Variants in TCF7L1 observed in about 807,000 individuals in gnomAD.
TCF7L1 encodes transcription factor 7-like 1.
A neutral mutation model predicts 63.7 loss-of-function variants in TCF7L1; 18 were observed. That is an observed-to-expected ratio of 0.28 (90% CI 0.20 to 0.42). TCF7L1 has a LOEUF of 0.42. Among genes scored for constraint, TCF7L1 ranks in the 10% least tolerant of loss-of-function variants. The probability of loss-of-function intolerance (pLI) is 1.00; values close to 1 mark genes in which losing one functional copy is unlikely to be tolerated. For missense variants in TCF7L1, 654 were observed against 779.3 expected, an observed-to-expected ratio of 0.84 and a Z score of 1.91; for synonymous variants, 355 against 340.9, an observed-to-expected ratio of 1.04 and a Z score of -0.46.
chr2:85,182,354 G>T (rs930143521), intron 3 of TCF7L1, among the ~76,000 whole-genome samples: 1 of 152,188 alleles, frequency 6.6e-6, no homozygotes, highest in African/African-American at 2.4e-5. Flanking sequence ...TGAGAAGCAG[G>T]TGGGTGCTGG....
chr2:85,210,741 C>G (rs1013667106), intron 3 of TCF7L1, among the ~76,000 whole-genome samples: 1 of 152,152 alleles, frequency 6.6e-6, no homozygotes, highest in Non-Finnish European at 1.5e-5. Flanking sequence ...TGGTCATTTC[C>G]GGAGTACTTG....
At chr2:85,256,184 T>A (rs1024295139) in intron 3 of TCF7L1, among the ~76,000 whole-genome samples, 1 of 152,306 alleles carries the variant, frequency 6.6e-6, no homozygotes, top group Middle Eastern at 3.4e-3. Flanking sequence ...CTGGCTTCGA[T>A]GTGCTTTGGG....
intron 4 of TCF7L1, among the ~76,000 whole-genome samples, chr2:85,283,998 T>C (rs1681483805): frequency 6.6e-6 from 1 of 151,728 alleles, no homozygotes; most frequent in Non-Finnish European, 1.5e-5. Flanking sequence ...TCTTCTGTTT[T>C]TGTTTTTGTT....
chr2:85,147,363 AT>A (rs1558616045), intron 3 of TCF7L1, among the ~76,000 whole-genome samples: 1 of 151,916 alleles, frequency 6.6e-6, no homozygotes, highest in Non-Finnish European at 1.5e-5. Flanking sequence ...CGAACTAGGG[AT>A]TGCTTGTGTG....
At chr2:85,307,815 G>C in intron 11 of TCF7L1, 98 bp downstream of exon 11, 2 of 1,147,726 alleles carry the variant, frequency 1.7e-6, no homozygotes, top group Non-Finnish European at 2.6e-6. Flanking sequence ...CAGGGCTTCT[G>C]CCTCGGTATT....
chr2:85,200,035 G>A (rs769526426), intron 3 of TCF7L1, among the ~76,000 whole-genome samples: 8 of 152,156 alleles, frequency 5.3e-5, no homozygotes, highest in Non-Finnish European at 1.0e-4. Flanking sequence ...TTTTCACTTA[G>A]TCTAATGCTT....
At chr2:85,138,471 G>T (rs1677646925) in intron 3 of TCF7L1, among the ~76,000 whole-genome samples, 1 of 152,090 alleles carries the variant, frequency 6.6e-6, no homozygotes, top group Non-Finnish European at 1.5e-5. Flanking sequence ...ATTCTTTTGA[G>T]CCATTTCATC....
intron 3 of TCF7L1, among the ~76,000 whole-genome samples, chr2:85,143,038 T>G (rs1035867441): frequency 1.3e-5 from 2 of 152,248 alleles, no homozygotes; most frequent in Non-Finnish European, 2.9e-5. Context: ...TAAAAATGTT[T>G]TCCTAAACAT....
intron 4 of TCF7L1, among the ~76,000 whole-genome samples, chr2:85,299,906 G>GACACACACACACACACACACACACAC (rs1681931766): frequency 2.3e-5 from 1 of 43,374 alleles, no homozygotes; most frequent in African/African-American, 1.0e-4. Flanking sequence ...CACACACACT[G>GACACACACACACACACACACACACAC]ATGCCCAGAA....
At chr2:85,245,753 G>A (rs1393772228) in intron 3 of TCF7L1, among the ~76,000 whole-genome samples, 1 of 151,650 alleles carries the variant, frequency 6.6e-6, no homozygotes, top group African/African-American at 2.4e-5. Context: ...AGGAGGAGCT[G>A]GCAGTGAGCC....
chr2:85,195,407 G>T (rs1679131689), intron 3 of TCF7L1, among the ~76,000 whole-genome samples: 1 of 152,206 alleles, frequency 6.6e-6, no homozygotes, highest in South Asian at 2.1e-4. Context: ...TTGTGATTGT[G>T]CCACTGCACT....
intron 3 of TCF7L1, among the ~76,000 whole-genome samples, chr2:85,143,601 G>T (rs762530846): frequency 6.6e-6 from 1 of 152,204 alleles, no homozygotes; most frequent in Non-Finnish European, 1.5e-5. Context: ...CTCGTACAAG[G>T]TTACATTGAT....
intron 3 of TCF7L1, among the ~76,000 whole-genome samples, chr2:85,268,454 C>T (rs1276962970): frequency 6.7e-6 from 1 of 148,396 alleles, no homozygotes; most frequent in Admixed American, 6.7e-5. Flanking sequence ...ACCCAAAGGG[C>T]GAATAAGATT....
chr2:85,232,777 A>G (rs941857801), intron 3 of TCF7L1, among the ~76,000 whole-genome samples: 3 of 152,184 alleles, frequency 2.0e-5, no homozygotes, highest in African/African-American at 7.2e-5. Context: ...TTATCCACGC[A>G]GTGCTTCAGT....
intron 4 of TCF7L1, among the ~76,000 whole-genome samples, chr2:85,289,412 G>C (rs1681634202): frequency 6.6e-6 from 1 of 152,280 alleles, no homozygotes; most frequent in South Asian, 2.1e-4. Context: ...CAAAACTTTA[G>C]AGTGACTTAA....
chr2:85,216,340 CTG>C (rs1489560061), intron 3 of TCF7L1, among the ~76,000 whole-genome samples: 2 of 152,110 alleles, frequency 1.3e-5, no homozygotes, highest in Non-Finnish European at 2.9e-5. Context: ...AGGTATGTGA[CTG>C]TGCAAAATGC....
At chr2:85,286,163 C>T (rs1191272477) in intron 4 of TCF7L1, among the ~76,000 whole-genome samples, 1 of 148,382 alleles carries the variant, frequency 6.7e-6, no homozygotes, top group Admixed American at 6.7e-5. Flanking sequence ...TGAACCCCAG[C>T]CTGGGCAGCA....
intron 3 of TCF7L1, among the ~76,000 whole-genome samples, chr2:85,209,139 G>T (rs549744689): frequency 4.2e-5 from 6 of 142,366 alleles, no homozygotes; most frequent in African/African-American, 1.6e-4. Context: ...TGCCAGGAAG[G>T]CCCTTAGAAC....
chr2:85,269,157 G>A (rs1426212350), intron 3 of TCF7L1, among the ~76,000 whole-genome samples: 6 of 152,146 alleles, frequency 3.9e-5, no homozygotes, highest in African/African-American at 1.4e-4. Context: ...CAATTCCTAG[G>A]GGTGCCCTCA....
Sources: gnomAD v4.1 joint callset for allele counts (sites outside exome capture counted in the v4.1 genomes callset) on GRCh38, gnomAD v4.1.1 for gene constraint, MANE v1.5 for transcripts, NCBI Gene and HGNC (gene_info 2026-07-23, HGNC 2026-07-21) for gene names.